Variants in CYP2R1 observed in about 807,000 individuals in gnomAD.
CYP2R1 encodes the protein cytochrome P450 family 2 subfamily R member 1, also known as vitamin D 25-hydroxylase.
A neutral mutation model predicts 45.7 loss-of-function variants in CYP2R1; 40 were observed. The ratio of observed to expected loss-of-function variants is 0.87; its 90% CI spans 0.68 to 1.14. CYP2R1 has a LOEUF of 1.14. Ranked by LOEUF, CYP2R1 falls within the 50% of genes most tolerant of loss-of-function variation. The pLI is 0.00. For missense variants in CYP2R1, 605 were observed against 602.6 expected, an observed-to-expected ratio of 1.00 and a Z score of -0.04; for synonymous variants, 234 against 219.3, an observed-to-expected ratio of 1.07 and a Z score of -0.59.
intron 2 of CYP2R1, among the ~76,000 whole-genome samples, chr11:14,882,211 A>C (rs782465204): frequency 6.6e-6 from 1 of 152,156 alleles, no homozygotes. Flanking sequence ...GGAACAAAAG[A>C]AGCAAAGGTC....
At chr11:14,890,367 A>G (rs1555016223) in intron 1 of CYP2R1, 1 of 502,080 alleles carries the variant, frequency 2.0e-6, no homozygotes, top group Non-Finnish European at 2.6e-6. Context: ...CATGAAAATC[A>G]TGGGAATAAA....
chr11:14,886,503 A>G (rs1362694877), intron 1 of CYP2R1: 1 of 154,334 alleles, frequency 6.5e-6, no homozygotes, highest in Non-Finnish European at 1.4e-5. Context: ...CCTTGGAGGA[A>G]AGGCATTTAC....
chr11:14,879,537 C>T, intron 3 of CYP2R1, 94 bp from the exon 4 acceptor site: 4 of 958,664 alleles, frequency 4.2e-6, no homozygotes, highest in Non-Finnish European at 4.8e-6. Flanking sequence ...TAACCTATAA[C>T]AAGCCAATAG....
chr11:14,891,048 AG>A, intron 1 of CYP2R1: 1 of 985,430 alleles, frequency 1.0e-6, no homozygotes, highest in African/African-American at 1.7e-5. Flanking sequence ...CGCTAGCGTC[AG>A]GCCTGTAGTT....
intron 4 of CYP2R1, 31 bp from the exon 5 acceptor site, chr11:14,878,328 T>C: frequency 1.2e-6 from 2 of 1,605,402 alleles, no homozygotes; most frequent in Non-Finnish European, 8.5e-7. Context: ...CAATAATTTT[T>C]TAAACCCACA....
At chr11:14,890,082 T>C (rs1848774355) in intron 1 of CYP2R1, among the ~76,000 whole-genome samples, 1 of 152,126 alleles carries the variant, frequency 6.6e-6, no homozygotes, top group South Asian at 2.1e-4. Flanking sequence ...TGAGCCGAGA[T>C]GGCGTCACTG....
In CYP2R1 at chr11:14,880,761, G is replaced by A. The variant is rs145794885; in HGVS notation, c.375C>T (p.Leu125=). ...CCCATCCTCGGCCATATCTGGAATTGAGTAAGCCTGAAAAAAAATATTAAA... is the reference window on the plus strand; with the variant it reads ...CCCATCCTCGGCCATATCTGGAATTAAGTAAGCCTGAAAAAAAATATTAAA... ...FMKMTKMGGL[L]NSRYGRGWVD... The change falls in exon 3 of 5, where the codon CTC becomes CTT. Residue 125 remains leucine (L), a synonymous_variant. Coordinates refer to ENST00000334636, the MANE Select transcript of CYP2R1 (RefSeq NM_024514.5). 237 of 1,606,420 alleles carry A rather than the reference G, an allele frequency of 1.5e-4. No homozygotes were observed. The African/African-American group carries it at 2.8e-3, about 19-fold the overall frequency.
chr11:14,886,919 G>A (rs1848642418), intron 1 of CYP2R1: 1 of 152,272 alleles, frequency 6.6e-6, no homozygotes, highest in Non-Finnish European at 1.5e-5. Context: ...CTAACCAGCT[G>A]AGTAATGGGG....
rs782788327 is a variant in CYP2R1 at position 14,880,779 on chromosome 11, AT to A, written c.368-12del. The A allele has an allele frequency of 1.6e-5, 25 of 1,599,260 alleles. No individual in the cohort carries two copies. Among genetic ancestry groups the A allele is most frequent in the South Asian group, 1.1e-4 (10 of 88,260 alleles). ...TGGAATTGAGTAAGCCTGAAAAAAAATATTAAAATATTGTATAATTCCTACT... is the reference window on the plus strand; with the variant it reads ...TGGAATTGAGTAAGCCTGAAAAAAAAATTAAAATATTGTATAATTCCTACT... On this transcript the variant is annotated splice_polypyrimidine_tract_variant and intron_variant, in intron 2 of 4. Transcript: ENST00000334636.
chr11:14,885,775 C>A lies in CYP2R1; in HGVS notation c.367+1G>T. The stretch of plus-strand genomic sequence containing the variant: ...CACTAAATAGGTGCAAATAAACATA[C>A]CTCCCATTTTTGTCATCTTCATGAA... On this transcript the variant is annotated splice_donor_variant, in intron 2 of 4. Coordinates refer to ENST00000334636, the MANE Select transcript of CYP2R1 (RefSeq NM_024514.5). LOFTEE classifies it high-confidence loss of function. 1 of 1,612,054 alleles carries A rather than the reference C, an allele frequency of 6.2e-7. No individual in the cohort carries two copies. The highest frequency in any genetic ancestry group is 8.5e-7 in the Non-Finnish European group (1 of 1,179,570).
intron 2 of CYP2R1, among the ~76,000 whole-genome samples, chr11:14,881,757 T>C (rs1327292624): frequency 6.6e-6 from 1 of 152,126 alleles, no homozygotes; most frequent in East Asian, 1.9e-4. Context: ...CAATGCCTTC[T>C]GCCATGATTG....
At chr11:14,889,657 G>C (rs1848754160) in intron 1 of CYP2R1, among the ~76,000 whole-genome samples, 1 of 152,122 alleles carries the variant, frequency 6.6e-6, no homozygotes, top group South Asian at 2.1e-4. Context: ...AACTATGATA[G>C]GGGACTTAGA....
Position 14,879,109 on chromosome 11 carries a change from C to T in CYP2R1, c.1330+5G>A, listed in dbSNP as rs1555010752. The T allele has an allele frequency of 3.1e-6, 5 of 1,612,110 alleles. No homozygotes were observed. The highest frequency in any genetic ancestry group is 2.2e-5 in the East Asian group (1 of 44,848). On this transcript the variant is annotated splice_donor_5th_base_variant and intron_variant, in intron 4 of 4. Transcript: ENST00000334636. ...TAAAGTTACGCCCCGTGAAAGTTCT[C>T]TTACCTAGGGAAAAAGGAACCAAAG...
In CYP2R1 at chr11:14,891,458, G is replaced by C. The variant is rs1158494953; in HGVS notation, c.225+523C>G. ...CAGGGCCCGCTTCTCAGTCAGGGGC[G>C]TTCCCCTGCATTCTCCATTCTCACA... On this transcript the variant is annotated intron_variant, in intron 1 of 4. Transcript: ENST00000334636. 4.1e-6 allele frequency: 4 copies of C among 986,078 alleles called. No individual in the cohort carries two copies. The East Asian group carries it at 4.5e-4, about 112-fold the overall frequency. The allele number at this position is 986,078 out of a possible 1,614,324, so 61.1% of individuals were successfully genotyped here.
chr11:14,885,935 AAAC>A lies in CYP2R1; in HGVS notation c.226-21_226-19del, dbSNP rs1231294060. On this transcript the variant is annotated intron_variant, in intron 1 of 4. Coordinates refer to ENST00000334636, the MANE Select transcript of CYP2R1 (RefSeq NM_024514.5). ...CTGAAGATCTTTGAGAAGAGAAGAA[AAAC>A]AACATTTAAATGACAGCATGTATGG... 3.1e-6 allele frequency: 5 copies of A among 1,611,800 alleles called. No individual in the cohort carries two copies. The highest frequency in any genetic ancestry group is 1.1e-5 in the South Asian group (1 of 91,022).
chr11:14,880,432 A>C lies in CYP2R1; in HGVS notation c.704T>G (p.Ile235Ser). 6.2e-7 allele frequency: 1 copy of C among 1,613,438 alleles called. No homozygotes were observed. The highest frequency in any genetic ancestry group is 8.5e-7 in the Non-Finnish European group (1 of 1,179,662). Residue 235 changes from isoleucine to serine, a missense_variant, in exon 3 of 5, where the codon ATT becomes AGT. By Grantham distance (142) the Ile-to-Ser change is moderately radical (BLOSUM62 -2). Coordinates refer to ENST00000334636, the MANE Select transcript of CYP2R1 (RefSeq NM_024514.5). ...ATGTTTTCCAAAAGGCAGGATGCCA[A>C]TCCATGGAAAGGCATTATACAAGAA... ...SVFLYNAFPW[I>S]GILPFGKHQQ...
intron 1 of CYP2R1, chr11:14,891,379 A>G (rs1848849341): frequency 1.0e-6 from 1 of 985,196 alleles, no homozygotes; most frequent in Non-Finnish European, 1.2e-6. Context: ...GCGCTGTAGG[A>G]CCCCCGCAGC....
upstream of CYP2R1, chr11:14,892,350 C>A: frequency 1.3e-6 from 1 of 750,698 alleles, no homozygotes; most frequent in Non-Finnish European, 2.2e-6. Flanking sequence ...GCTCAGGCCC[C>A]TTCGGGACAA....
rs1342377241 is a variant in CYP2R1 at position 14,877,794 on chromosome 11, A to G, written c.*328T>C. 4.3e-6 allele frequency: 1 copy of G among 235,080 alleles called. No individual in the cohort carries two copies. Among genetic ancestry groups the G allele is most frequent in the Non-Finnish European group, 8.2e-6 (1 of 121,958 alleles). 14.6% of individuals were successfully genotyped at this position (235,080 alleles called of 1,614,324 possible). On this transcript the variant is annotated 3_prime_UTR_variant, in exon 5 of 5. Transcript: ENST00000334636. ...CAAGGCCCCCCAGGACAGAAGGCAG[A>G]TGGAGTCAAGAAGGGATGAAAGTAC...
Sources: allele counts gnomAD v4.1 joint callset (sites outside exome capture counted in the v4.1 genomes callset), GRCh38; gene constraint gnomAD v4.1.1; transcripts MANE v1.5; gene names NCBI Gene and HGNC (gene_info 2026-07-23, HGNC 2026-07-21).